The following KIT variants were observed in gnomAD, a reference collection of about 807,000 sequenced individuals.
KIT encodes the protein mast/stem cell growth factor receptor Kit.
KIT carries 16 observed loss-of-function variants against 105.7 expected under a neutral mutation model. The observed-to-expected ratio is 0.15, with a 90% CI of 0.10 to 0.23. KIT has a LOEUF of 0.23. KIT is among the 10% of genes least tolerant of loss of function. The pLI is 1.00. For synonymous variants in KIT, 438 were observed against 441.1 expected (o/e 0.99, Z 0.09); for missense variants, 858 against 1,213.8 (o/e 0.71, Z 4.36).
intron 14 of KIT, among the ~76,000 whole-genome samples, chr4:54,729,935 A>G (rs916632625): frequency 6.6e-6 from 1 of 152,180 alleles, no homozygotes; most frequent in Non-Finnish European, 1.5e-5. Flanking sequence ...ATATCTCCAC[A>G]TGTAGGCTTC....
chr4:54,738,558 G>T lies in KIT; in HGVS notation c.*1G>T. 1 of 1,613,930 alleles carries T rather than the reference G, an allele frequency of 6.2e-7. No homozygotes were observed. The highest frequency in any genetic ancestry group is 1.3e-5 in the African/African-American group (1 of 75,042). ...TCTGCTTGTGCACGACGATGTCTGA[G>T]CAGAATCAGTGTTTGGGTCACCCCT... On this transcript the variant is annotated 3_prime_UTR_variant, in exon 21 of 21. Transcript: ENST00000288135.
chr4:54,659,464 C>G (rs1429015902), intron 1 of KIT, among the ~76,000 whole-genome samples: 1 of 152,178 alleles, frequency 6.6e-6, no homozygotes, highest in African/African-American at 2.4e-5. Context: ...GAATCAAGCG[C>G]TTGAAAGGAA....
chr4:54,659,183 C>CT (rs1316699599), intron 1 of KIT, among the ~76,000 whole-genome samples: 1 of 152,212 alleles, frequency 6.6e-6, no homozygotes, highest in Non-Finnish European at 1.5e-5. Flanking sequence ...TGGCGTGGAA[C>CT]TTTCTGCAAA....
chr4:54,659,713 T>C (rs1230230649), intron 1 of KIT, among the ~76,000 whole-genome samples: 1 of 152,198 alleles, frequency 6.6e-6, no homozygotes, highest in Non-Finnish European at 1.5e-5. Flanking sequence ...CTGGTCTTTA[T>C]GTTTTTGTGC....
chr4:54,712,935 C>G (rs1721250727), intron 7 of KIT, among the ~76,000 whole-genome samples: 1 of 152,030 alleles, frequency 6.6e-6, no homozygotes, highest in South Asian at 2.1e-4. Flanking sequence ...TTTCACTTAC[C>G]TAACACGTTG....
chr4:54,658,891 C>A lies in KIT; in HGVS notation c.67+810C>A, dbSNP rs1351702615. 2.6e-5 allele frequency among the ~76,000 whole-genome samples: 4 copies of A among 152,150 alleles called. No homozygotes were observed. In the East Asian group the frequency reaches 5.8e-4, roughly 22 times the overall value. On this transcript the variant is annotated intron_variant, in intron 1 of 20. Transcript: ENST00000288135. Reference sequence around the variant, plus strand: ...CTTTCTGCCGCGGCGCCGTTTCATTCCTGCCGCGCGCCCCGGGGCGGCTGG... The same window carrying A: ...CTTTCTGCCGCGGCGCCGTTTCATTACTGCCGCGCGCCCCGGGGCGGCTGG...
At chr4:54,729,037 A>G (rs921284816) in intron 13 of KIT, among the ~76,000 whole-genome samples, 3 of 152,204 alleles carry the variant, frequency 2.0e-5, no homozygotes, top group Non-Finnish European at 4.4e-5. Context: ...AAGCTTGATA[A>G]TAGTAGAATC....
At chr4:54,705,450 T>C (rs1720725401) in intron 5 of KIT, among the ~76,000 whole-genome samples, 1 of 152,222 alleles carries the variant, frequency 6.6e-6, no homozygotes, top group Admixed American at 6.5e-5. Context: ...TTTTTTATTG[T>C]ATATTTTTAA....
intron 1 of KIT, among the ~76,000 whole-genome samples, chr4:54,678,346 T>C (rs200295930): frequency 0.14 from 10,827 of 78,792 alleles, 1,191 homozygotes; most frequent in Admixed American, 0.19. Context: ...CCTTCCTTCC[T>C]TCCTTCCCTC....
rs144602457 is a variant in KIT, at chr4:54,739,644, G to A, written c.*1087G>A. ...CCTTCGCAGGCATGTCCTGGACACCGGGCCAGTATCTATATATGTGTATGT... is the reference window on the plus strand; with the variant it reads ...CCTTCGCAGGCATGTCCTGGACACCAGGCCAGTATCTATATATGTGTATGT... On this transcript the variant is annotated 3_prime_UTR_variant, in exon 21 of 21. Transcript: ENST00000288135. 12 of 233,458 alleles carry A rather than the reference G, an allele frequency of 5.1e-5. No homozygotes were observed. The highest frequency in any genetic ancestry group is 6.6e-5 in the African/African-American group (3 of 45,336). 14.5% of individuals were successfully genotyped at this position (233,458 alleles called of 1,614,324 possible).
chr4:54,700,542 C>A (rs1720391795), intron 4 of KIT, among the ~76,000 whole-genome samples: 1 of 152,152 alleles, frequency 6.6e-6, no homozygotes, highest in South Asian at 2.1e-4. Flanking sequence ...TTAAACTTCC[C>A]ATTGACCAAG....
In KIT at chr4:54,685,811, C is replaced by T. The variant is rs144639748; in HGVS notation, c.68-9701C>T. Among the ~76,000 whole-genome samples the T allele has an allele frequency of 3.1e-3, 471 of 152,348 alleles. 2 individuals carry two copies. Among genetic ancestry groups the T allele is most frequent in the African/African-American group, 0.011 (443 of 41,578 alleles). On this transcript the variant is annotated intron_variant, in intron 1 of 20. Coordinates refer to ENST00000288135, the MANE Select transcript of KIT (RefSeq NM_000222.3). Reference sequence around the variant, plus strand: ...GACCCAAGTGATAGACCTTTCTCCTCTTCTACCCCTCAGCCTGGCTGCACA... The same window carrying T: ...GACCCAAGTGATAGACCTTTCTCCTTTTCTACCCCTCAGCCTGGCTGCACA...
rs2109705705 is a variant in KIT, at chr4:54,707,239, C to T, written c.1067C>T (p.Thr356Ile). ...QQWIYMNRTFTDKWEDYPKSE... is the reference protein window; with the variant it reads ...QQWIYMNRTFIDKWEDYPKSE... The stretch of plus-strand genomic sequence containing the variant: ...TGGATCTATATGAACAGAACCTTCA[C>T]TGATAAATGGGAAGATTATCCCAAG... Residue 356 changes from threonine (T) to isoleucine (I), a missense_variant, in exon 6 of 21, where the codon ACT (threonine) becomes ATT (isoleucine). Physicochemically the swap from Thr to Ile is moderately conservative, Grantham distance 89. Transcript: ENST00000288135. 1.9e-6 allele frequency: 3 copies of T among 1,612,962 alleles called. No homozygotes were observed. The highest frequency in any genetic ancestry group is 2.5e-6 in the Non-Finnish European group (3 of 1,178,920).
At chr4:54,715,034 A>G (rs1277596112) in intron 7 of KIT, among the ~76,000 whole-genome samples, 2 of 152,228 alleles carry the variant, frequency 1.3e-5, no homozygotes, top group Non-Finnish European at 2.9e-5. Context: ...ATTTAAGGAA[A>G]TGTTAAATAA....
intron 4 of KIT, among the ~76,000 whole-genome samples, chr4:54,703,049 A>G (rs1455147598): frequency 6.6e-6 from 1 of 152,136 alleles, no homozygotes; most frequent in Admixed American, 6.5e-5. Flanking sequence ...AATACAAGAA[A>G]TCTCTCCATG....
chr4:54,735,286 T>C lies in KIT; in HGVS notation c.2485-1212T>C, dbSNP rs568665135. 5.3e-5 allele frequency among the ~76,000 whole-genome samples: 8 copies of C among 151,630 alleles called. No individual in the cohort carries two copies. In the East Asian group the frequency reaches 5.8e-4, roughly 11 times the overall value. On this transcript the variant is annotated intron_variant, in intron 17 of 20. Transcript: ENST00000288135. ...AGGTTAGGAGCCCTTATAGGAACTTTAGCACAACATCTAGGAAGGGAAGGG... is the reference window on the plus strand; with the variant it reads ...AGGTTAGGAGCCCTTATAGGAACTTCAGCACAACATCTAGGAAGGGAAGGG...
Position 54,739,016 on chromosome 4 carries a change from A to T in KIT, c.*459A>T. The T allele has an allele frequency of 2.1e-6, 1 of 477,920 alleles. No homozygotes were observed. 29.6% of individuals were successfully genotyped at this position (477,920 alleles called of 1,614,324 possible). ...GGAAAACAGAACATCATTAGAACAA[A>T]GGACAGAGTATGAACACCTGGGCTT... On this transcript the variant is annotated 3_prime_UTR_variant, in exon 21 of 21. Transcript: ENST00000288135.
intron 1 of KIT, among the ~76,000 whole-genome samples, chr4:54,682,373 C>T (rs1718999465): frequency 6.6e-6 from 1 of 152,112 alleles, no homozygotes; most frequent in Non-Finnish European, 1.5e-5. Flanking sequence ...AAGGCATGGG[C>T]CACCGTGCCT....
At chr4:54,695,990 G>C in intron 2 of KIT, 1 of 615,172 alleles carries the variant, frequency 1.6e-6, no homozygotes, top group Non-Finnish European at 2.9e-6. Context: ...AGGACTGCAG[G>C]ACTGTGATAC....
Sources: gnomAD v4.1 joint callset for allele counts (sites outside exome capture counted in the v4.1 genomes callset) on GRCh38, gnomAD v4.1.1 for gene constraint, MANE v1.5 for transcripts, NCBI Gene and HGNC (gene_info 2026-07-23, HGNC 2026-07-21) for gene names.